PPP6R3: variants seen among roughly 807,000 people sequenced by gnomAD.
PPP6R3 encodes the protein serine/threonine-protein phosphatase 6 regulatory subunit 3.
A neutral mutation model predicts 110.7 loss-of-function variants in PPP6R3; 38 were observed. The ratio of observed to expected loss-of-function variants is 0.34; its 90% CI spans 0.26 to 0.45. The LOEUF (loss-of-function observed/expected upper bound fraction) is 0.45. Among genes scored for constraint, PPP6R3 ranks in the 20% least tolerant of loss-of-function variants. The pLI, the probability that PPP6R3 is intolerant of heterozygous loss-of-function variation, is 1.00. For synonymous variants in PPP6R3, 369 were observed against 373.5 expected (o/e 0.99, Z 0.14); for missense variants, 870 against 1,062.4 (o/e 0.82, Z 2.52).
chr11:68,495,939 A>C (rs764936838), intron 1 of PPP6R3, among the ~76,000 whole-genome samples: 1 of 152,210 alleles, frequency 6.6e-6, no homozygotes, highest in Non-Finnish European at 1.5e-5. Flanking sequence ...ACCATTTTAC[A>C]TTCCCACCAG....
At chr11:68,545,210 T>C (rs961432111) in intron 4 of PPP6R3, among the ~76,000 whole-genome samples, 186 bp downstream of exon 4, 2 of 152,252 alleles carry the variant, frequency 1.3e-5, no homozygotes, top group African/African-American at 4.8e-5. Flanking sequence ...ATTTCTAATA[T>C]GGCATAATCT....
intron 15 of PPP6R3, among the ~76,000 whole-genome samples, chr11:68,584,615 T>G (rs1593592472): frequency 6.6e-6 from 1 of 152,354 alleles, no homozygotes; most frequent in South Asian, 2.1e-4. Flanking sequence ...GAAAGTGGAT[T>G]CCTTTATTTC....
At chr11:68,541,243 AC>A (rs1330039260) in intron 3 of PPP6R3, among the ~76,000 whole-genome samples, 1 of 152,206 alleles carries the variant, frequency 6.6e-6, no homozygotes, top group Non-Finnish European at 1.5e-5. Context: ...ACTTCCTGCA[AC>A]CTGTGCCATA....
chr11:68,567,129 G>A lies in PPP6R3; in HGVS notation c.1091G>A (p.Gly364Glu), dbSNP rs1163751269. Reference protein sequence around the residue: ...LLQTNTSSINGDLMELNSIGV... With the variant: ...LLQTNTSSINEDLMELNSIGV... ...CAAACCAATACCAGCAGTATAAATG[G>A]GGACCTTATGGAGCTGAATAGCATT... Residue 364 changes from glycine to glutamate, a missense_variant, in exon 10 of 24, where the codon GGG becomes GAG. By Grantham distance (98) the Gly-to-Glu change is moderately conservative. Transcript: ENST00000393800. 6.4e-7 allele frequency: 1 copy of A among 1,550,914 alleles called. No homozygotes were observed. Among genetic ancestry groups the A allele is most frequent in the Non-Finnish European group, 8.7e-7 (1 of 1,146,714 alleles).
At chr11:68,488,839 A>G (rs2098965418) in intron 1 of PPP6R3, 1 of 152,196 alleles carries the variant, frequency 6.6e-6, no homozygotes, top group Admixed American at 6.5e-5. Flanking sequence ...TCTCGCTGCC[A>G]TCTTGATCTT....
chr11:68,615,314 C>T lies in PPP6R3; in HGVS notation c.*2197C>T. ...GTATTCAAAATAACAAAAATAAAGC[C>T]TGATTCTTTGTTTCTAGAAATCTCT... is the stretch of plus-strand genomic sequence containing the variant. On this transcript the variant is annotated 3_prime_UTR_variant, in exon 24 of 24. Coordinates refer to ENST00000393800, the MANE Select transcript of PPP6R3 (RefSeq NM_001164161.2). 2.0e-5 allele frequency: 7 copies of T among 353,336 alleles called. No individual in the cohort carries two copies. Among genetic ancestry groups the T allele is most frequent in the South Asian group, 1.5e-4 (7 of 46,360 alleles). 21.9% of individuals were successfully genotyped at this position (353,336 alleles called of 1,614,324 possible).
chr11:68,503,371 G>A (rs1281769110), intron 1 of PPP6R3, among the ~76,000 whole-genome samples: 2 of 152,196 alleles, frequency 1.3e-5, no homozygotes, highest in East Asian at 1.9e-4. Context: ...AATTTACTTC[G>A]AGCAAATGTG....
intron 18 of PPP6R3, 21 bp from the exon 19 acceptor site, chr11:68,596,076 T>C: frequency 6.2e-7 from 1 of 1,614,100 alleles, no homozygotes; most frequent in Non-Finnish European, 8.5e-7. Flanking sequence ...TGTTAAATAC[T>C]TGGGTCTTGT....
chr11:68,481,336 G>T (rs2098909922), intron 1 of PPP6R3, among the ~76,000 whole-genome samples: 2 of 152,158 alleles, frequency 1.3e-5, no homozygotes, highest in African/African-American at 4.8e-5. Context: ...CTTCATTGAG[G>T]AGGGTTAGGG....
In PPP6R3 at chr11:68,518,413, G is replaced by A. The variant is rs567360229; in HGVS notation, c.-157-1088G>A. Among the ~76,000 whole-genome samples the A allele has an allele frequency of 8.5e-5, 13 of 152,246 alleles. No homozygotes were observed. The South Asian group carries it at 1.2e-3, about 15-fold the overall frequency. ...GTCAGTGAAATGAATGGAAAAAAAC[G>A]TTGAACTGTTTCAGATGAGAGGAAA... On this transcript the variant is annotated intron_variant, in intron 1 of 23. Coordinates refer to ENST00000393800, the MANE Select transcript of PPP6R3 (RefSeq NM_001164161.2).
intron 8 of PPP6R3, among the ~76,000 whole-genome samples, chr11:68,560,365 G>T (rs146767325): frequency 1.4e-3 from 220 of 152,320 alleles, no homozygotes; most frequent in Non-Finnish European, 2.7e-3. Context: ...AGGAATGACT[G>T]TGTGCTATGG....
rs115595637 is a variant in PPP6R3 at position 68,489,316 on chromosome 11, T to A, written c.-158+28489T>A. The stretch of plus-strand genomic sequence containing the variant: ...GTTTGTGCTTTTGTCACATACACTT[T>A]TTCTGCCTTTTTTGGTTTTAATTGA... On this transcript the variant is annotated intron_variant, in intron 1 of 23. Coordinates refer to ENST00000393800, the MANE Select transcript of PPP6R3 (RefSeq NM_001164161.2). Among the ~76,000 whole-genome samples the A allele has an allele frequency of 3.4e-3, 519 of 152,316 alleles. 6 individuals carry two copies. Among genetic ancestry groups the A allele is most frequent in the African/African-American group, 0.012 (496 of 41,556 alleles).
chr11:68,552,957 A>G (rs549403735), intron 6 of PPP6R3, among the ~76,000 whole-genome samples: 13 of 152,366 alleles, frequency 8.5e-5, no homozygotes, highest in Admixed American at 3.9e-4. Context: ...GTTTTTGGAC[A>G]GTCCTGTTGA....
Position 68,613,184 on chromosome 11 carries a change from C to A in PPP6R3, c.*67C>A. On this transcript the variant is annotated 3_prime_UTR_variant, in exon 24 of 24. Coordinates refer to ENST00000393800, the MANE Select transcript of PPP6R3 (RefSeq NM_001164161.2). ...CACCACTCAGGGGCTCTGGAGGGGT[C>A]AGCTGGAGCCCACCAAGCTGTCACT... 2 of 1,598,886 alleles carry A rather than the reference C, an allele frequency of 1.3e-6. No homozygotes were observed. Among genetic ancestry groups the A allele is most frequent in the South Asian group, 2.2e-5 (2 of 89,222 alleles).
intron 3 of PPP6R3, among the ~76,000 whole-genome samples, chr11:68,541,340 G>C (rs2099314176): frequency 6.6e-6 from 1 of 152,188 alleles, no homozygotes; most frequent in East Asian, 1.9e-4. Context: ...GTTGGCTGCA[G>C]TGATCAGCAG....
At chr11:68,559,400 A>G (rs1451157984) in intron 8 of PPP6R3, among the ~76,000 whole-genome samples, 1 of 152,182 alleles carries the variant, frequency 6.6e-6, no homozygotes. Context: ...GGTATGTATA[A>G]GTTTTCCGGG....
chr11:68,571,234 T>TC (rs34387104), intron 12 of PPP6R3, 130 bp downstream of exon 12: 1 of 1,237,598 alleles, frequency 8.1e-7, no homozygotes, highest in Admixed American at 3.6e-5. Context: ...TTTAAACTTT[T>TC]CCCCAGATTA....
At chr11:68,612,025 A>G (rs1943691670) in intron 23 of PPP6R3, among the ~76,000 whole-genome samples, 1 of 152,146 alleles carries the variant, frequency 6.6e-6, no homozygotes, top group African/African-American at 2.4e-5. Context: ...TTATGTACTT[A>G]TTTCATATGT....
intron 2 of PPP6R3, chr11:68,522,782 C>T (rs889189647): frequency 6.6e-6 from 1 of 152,242 alleles, no homozygotes; most frequent in Non-Finnish European, 1.5e-5. Context: ...TCAGTTGTAG[C>T]ATATCCTATC....
Sources: gnomAD v4.1 joint callset for allele counts (sites outside exome capture counted in the v4.1 genomes callset) on GRCh38, gnomAD v4.1.1 for gene constraint, MANE v1.5 for transcripts, NCBI Gene and HGNC (gene_info 2026-07-23, HGNC 2026-07-21) for gene names.